ZBBX: variants seen among roughly 807,000 people sequenced by gnomAD.
The protein encoded by ZBBX is zinc finger B-box domain containing, also known as zinc finger B-box domain-containing protein 1.
A neutral mutation model predicts 108.5 loss-of-function variants in ZBBX; 101 were observed. The observed-to-expected ratio is 0.93, with a 90% CI of 0.79 to 1.10. The LOEUF (loss-of-function observed/expected upper bound fraction) is 1.10. Among genes scored for constraint, ZBBX ranks in the 50% least tolerant of loss-of-function variants. The pLI is 0.00. For synonymous variants in ZBBX, 356 were observed against 323.4 expected, an observed-to-expected ratio of 1.10 and a Z score of -1.08; for missense variants, 1,009 against 941.4, an observed-to-expected ratio of 1.07 and a Z score of -0.94.
chr3:167,227,379 A>G, the ZBBX span, among the ~76,000 whole-genome samples: 1 of 151,694 alleles, frequency 6.6e-6, no homozygotes, highest in East Asian at 1.9e-4. Flanking sequence ...TTTAGGAAGG[A>G]CAAAGCATTA....
chr3:167,401,759 A>G (rs888961026), intron 1 of ZBBX, among the ~76,000 whole-genome samples: 2 of 152,132 alleles, frequency 1.3e-5, no homozygotes, highest in Non-Finnish European at 2.9e-5. Context: ...CCAACCTCCT[A>G]TACTTAGAAT....
chr3:167,359,297 T>C (rs542699682), intron 8 of ZBBX, among the ~76,000 whole-genome samples: 46 of 152,252 alleles, frequency 3.0e-4, no homozygotes, highest in African/African-American at 7.0e-4. Flanking sequence ...TGGGGACTGA[T>C]TGGAAAAGGC....
chr3:167,282,326 G>A lies in ZBBX; in HGVS notation c.2166C>T (p.Asp722=). 6.2e-7 allele frequency: 1 copy of A among 1,613,892 alleles called. No individual in the cohort carries two copies. Among genetic ancestry groups the A allele is most frequent in the Non-Finnish European group, 8.5e-7 (1 of 1,179,864 alleles). ...ISEIEYIDIT[D]QNELSLDDTT... ...TGTCATCTAAGGAAAGCTCATTCTG[G>A]TCAGTAATATCAATATATTCAATTT... The change falls in exon 20 of 22, where the codon GAC becomes GAT. Residue 722 remains aspartate (D), a synonymous_variant. Transcript: ENST00000675490.
the ZBBX span, among the ~76,000 whole-genome samples, chr3:167,188,326 T>TCCC: frequency 6.6e-6 from 1 of 152,150 alleles, no homozygotes; most frequent in African/African-American, 2.4e-5. Context: ...AATATGTATT[T>TCCC]TTAAAGAATC....
At chr3:167,335,360 T>C (rs1377921624) in intron 9 of ZBBX, among the ~76,000 whole-genome samples, 1 of 152,124 alleles carries the variant, frequency 6.6e-6, no homozygotes, top group Non-Finnish European at 1.5e-5. Context: ...ACTGGCAAAT[T>C]TGGGGAAGGC....
chr3:167,277,268 C>A (rs1727773909), intron 20 of ZBBX, among the ~76,000 whole-genome samples: 1 of 151,962 alleles, frequency 6.6e-6, no homozygotes, highest in African/African-American at 2.4e-5. Flanking sequence ...TGTAAATGGA[C>A]TAAATGCTCC....
chr3:167,216,093 C>A, the ZBBX span, among the ~76,000 whole-genome samples: 4 of 152,128 alleles, frequency 2.6e-5, no homozygotes, highest in African/African-American at 9.7e-5. Context: ...TCTTTCATCA[C>A]TTCTATTCAA....
the ZBBX span, among the ~76,000 whole-genome samples, chr3:167,186,475 G>C: frequency 6.6e-6 from 1 of 152,098 alleles, no homozygotes; most frequent in Non-Finnish European, 1.5e-5. Context: ...TATAAACAAG[G>C]AGTAATAATT....
At chr3:167,294,729 A>C (rs1253923708) in intron 18 of ZBBX, among the ~76,000 whole-genome samples, 3 of 152,226 alleles carry the variant, frequency 2.0e-5, no homozygotes, top group Non-Finnish European at 4.4e-5. Flanking sequence ...TCTGCACAGC[A>C]AAAGAAACTA....
At chr3:167,334,021 A>G (rs765655421) in intron 9 of ZBBX, 36 bp from the exon 10 acceptor site, 2 of 1,398,602 alleles carry the variant, frequency 1.4e-6, no homozygotes, top group Middle Eastern at 2.6e-4. Context: ...AAAGCGCCTC[A>G]TATGTTAACC....
chr3:167,370,099 T>C (rs1422803374), intron 4 of ZBBX, among the ~76,000 whole-genome samples: 2 of 146,304 alleles, frequency 1.4e-5, no homozygotes, highest in Non-Finnish European at 2.9e-5. Context: ...TTTAGAAAGA[T>C]CACTCAGGCT....
At chr3:167,332,307 G>A (rs1042790597) in intron 10 of ZBBX, among the ~76,000 whole-genome samples, 12 of 144,426 alleles carry the variant, frequency 8.3e-5, no homozygotes, top group Non-Finnish European at 1.4e-4. Context: ...ACACACACAC[G>A]TCTGAACCCC....
intron 1 of ZBBX, among the ~76,000 whole-genome samples, chr3:167,386,827 C>T (rs1226816131): frequency 6.6e-6 from 1 of 152,008 alleles, no homozygotes; most frequent in South Asian, 2.1e-4. Flanking sequence ...GGAAAATTTG[C>T]ATTTTTCTCT....
At chr3:167,179,166 C>T in the ZBBX span, among the ~76,000 whole-genome samples, 1 of 152,232 alleles carries the variant, frequency 6.6e-6, no homozygotes, top group South Asian at 2.1e-4. Flanking sequence ...TCCACACATA[C>T]ATGTACATAA....
intron 9 of ZBBX, among the ~76,000 whole-genome samples, chr3:167,340,809 T>C (rs1409211264): frequency 4.0e-5 from 6 of 151,674 alleles, no homozygotes; most frequent in Admixed American, 6.6e-5. Flanking sequence ...AAAAAAAAAT[T>C]TGAGGAAAAG....
In ZBBX at chr3:167,372,159, C is replaced by G. The variant is rs1746256952; in HGVS notation, c.68+675G>C. On this transcript the variant is annotated intron_variant, in intron 4 of 21. Coordinates refer to ENST00000675490, the MANE Select transcript of ZBBX (RefSeq NM_001199201.2). Reference sequence around the variant, plus strand: ...CCGGGAGGTGGAGGTTGCAGTGAGCCGAGACCGTGCCAGTGCACTCCAGCC... The same window carrying G: ...CCGGGAGGTGGAGGTTGCAGTGAGCGGAGACCGTGCCAGTGCACTCCAGCC... 1.3e-5 allele frequency among the ~76,000 whole-genome samples: 2 copies of G among 151,950 alleles called. 1 individual carries two copies. Among genetic ancestry groups the G allele is most frequent in the South Asian group, 4.2e-4 (2 of 4,816 alleles).
chr3:167,284,695 T>G (rs1325513672), intron 19 of ZBBX, among the ~76,000 whole-genome samples: 1 of 152,130 alleles, frequency 6.6e-6, no homozygotes, highest in Admixed American at 6.5e-5. Context: ...CAGGTCAGAC[T>G]TATGCTTAGC....
the ZBBX span, among the ~76,000 whole-genome samples, chr3:167,212,672 C>T: frequency 7.8e-4 from 118 of 152,234 alleles, no homozygotes; most frequent in African/African-American, 2.8e-3. Context: ...TCCTCTGCTG[C>T]CTCTAAGCTG....
the ZBBX span, among the ~76,000 whole-genome samples, chr3:167,227,247 T>C: frequency 6.6e-6 from 1 of 151,804 alleles, no homozygotes; most frequent in Non-Finnish European, 1.5e-5. Context: ...AACACAGGAA[T>C]GAATCCAAGT....
Sources: gnomAD v4.1 joint callset for allele counts (sites outside exome capture counted in the v4.1 genomes callset) on GRCh38, gnomAD v4.1.1 for gene constraint, MANE v1.5 for transcripts, NCBI Gene and HGNC (gene_info 2026-07-23, HGNC 2026-07-21) for gene names.